Variants in RPA1 observed in about 807,000 individuals in gnomAD.
RPA1 encodes replication protein A1, also known as replication protein A 70 kDa DNA-binding subunit.
Under a neutral mutation model 83.0 loss-of-function variants are expected in RPA1, and 49 were observed. The observed-to-expected ratio is 0.59, with a 90% CI of 0.47 to 0.75. The LOEUF (loss-of-function observed/expected upper bound fraction) is 0.75, where lower values mean the gene tolerates loss of function less well. Ranked by LOEUF, RPA1 falls within the 30% of genes least tolerant of loss-of-function variation. RPA1 has a pLI of 0.00. For synonymous variants in RPA1, 279 were observed against 281.8 expected, an observed-to-expected ratio of 0.99 and a Z score of 0.10; for missense variants, 693 against 776.1, an observed-to-expected ratio of 0.89 and a Z score of 1.27.
In RPA1 at chr17:1,846,311, C is replaced by CTTTT. The variant is rs71150823; in HGVS notation, c.272+1645_272+1648dup. Reference sequence around the variant, plus strand: ...ATTTCTTCCCTTGTAGGAAGCTTTGCTTTTTTTTTTTTTTTTTTTTTTTCT... The same window carrying CTTTT: ...ATTTCTTCCCTTGTAGGAAGCTTTGCTTTTTTTTTTTTTTTTTTTTTTTTTTTCT... On this transcript the variant is annotated intron_variant, in intron 4 of 16. Transcript: ENST00000254719. Among the ~76,000 whole-genome samples the CTTTT allele has an allele frequency of 5.2e-3, 390 of 75,722 alleles. 2 individuals are homozygous for CTTTT. The highest frequency in any genetic ancestry group is 6.5e-3 in the Non-Finnish European group (275 of 42,582). 49.7% of individuals were successfully genotyped at this position (75,722 alleles called of 152,430 possible). A position where few individuals can be genotyped will look rare whatever the true frequency, so the allele number is the denominator to read the frequency against.
At chr17:1,863,870 G>A (rs1913078175) in intron 5 of RPA1, among the ~76,000 whole-genome samples, 1 of 151,934 alleles carries the variant, frequency 6.6e-6, no homozygotes, top group Admixed American at 6.6e-5. Flanking sequence ...AAGAGATGAT[G>A]GTCAATCATG....
At chr17:1,875,884 G>T in intron 7 of RPA1, 91 bp downstream of exon 7, 3 of 1,331,176 alleles carry the variant, frequency 2.3e-6, no homozygotes, top group African/African-American at 1.5e-5. Flanking sequence ...TGAACTTCAG[G>T]GTCACCACCA....
At chr17:1,831,677 C>T (rs1207000151) in intron 1 of RPA1, among the ~76,000 whole-genome samples, 1 of 150,660 alleles carries the variant, frequency 6.6e-6, no homozygotes, top group Non-Finnish European at 1.5e-5. Context: ...CGGCTCACTG[C>T]AAGCTCTGCC....
rs1389802569 is a variant in RPA1 at position 1,879,684 on chromosome 17, A to G, written c.1077A>G (p.Thr359=). 1 of 1,614,106 alleles carries G rather than the reference A, an allele frequency of 6.2e-7. No individual in the cohort carries two copies. The highest frequency in any genetic ancestry group is 1.7e-5 in the Admixed American group (1 of 60,010). ...CATCCGGGAAGGTGGTGACTGCTAC[A>G]CTGTGGGGGGAAGATGTAAGTGCTG... ...MDTSGKVVTA[T]LWGEDADKFD... is the part of the protein sequence containing the mutation. The change falls in exon 11 of 17, where the codon ACA becomes ACG. Residue 359 remains threonine, a synonymous_variant. Coordinates refer to ENST00000254719, the MANE Select transcript of RPA1 (RefSeq NM_002945.5).
At chr17:1,848,699 G>A (rs1013282368) in intron 4 of RPA1, among the ~76,000 whole-genome samples, 26 of 150,102 alleles carry the variant, frequency 1.7e-4, no homozygotes, top group African/African-American at 5.4e-4. Context: ...GGGTAGCTGG[G>A]ATTACAGATG....
rs139126914 is a variant in RPA1 at position 1,843,598 on chromosome 17, CATTATT to C, written c.85-288_85-283del. On this transcript the variant is annotated intron_variant, in intron 2 of 16. Transcript: ENST00000254719. ...AGCACCTTGTGTATATTGGGTGCTT[CATTATT>C]ATTATTATTATTATTATTATTATTA... Among the ~76,000 whole-genome samples the C allele has an allele frequency of 5.4e-3, 757 of 141,106 alleles. 4 individuals are homozygous for C. Among genetic ancestry groups the C allele is most frequent in the East Asian group, 0.022 (109 of 4,916 alleles). 92.6% of individuals were successfully genotyped at this position (141,106 alleles called of 152,430 possible).
rs1244765647 is a variant in RPA1, at chr17:1,858,904, A to T, written c.361+5715A>T. Among the ~76,000 whole-genome samples, 17 of 79,118 alleles carry T rather than the reference A, an allele frequency of 2.1e-4. No individual in the cohort carries two copies. In the South Asian group the frequency reaches 2.6e-3, roughly 12 times the overall value. 51.9% of individuals were successfully genotyped at this position (79,118 alleles called of 152,430 possible). A position where few individuals can be genotyped will look rare whatever the true frequency, so the allele number is the denominator to read the frequency against. ...TATTTTATTTATTTATTTTTATTTTATTTTTTTTTTTTTTTTGAGACAGAG... is the reference window on the plus strand; with the variant it reads ...TATTTTATTTATTTATTTTTATTTTTTTTTTTTTTTTTTTTTGAGACAGAG... On this transcript the variant is annotated intron_variant, in intron 5 of 16. Transcript: ENST00000254719.
chr17:1,858,426 T>A (rs1202240631), intron 5 of RPA1: 3 of 1,538,428 alleles, frequency 2.0e-6, no homozygotes, highest in South Asian at 1.1e-5. Context: ...GACCAACGTG[T>A]CTCAGCAACA....
At chr17:1,852,263 T>A (rs1194429818) in intron 4 of RPA1, among the ~76,000 whole-genome samples, 1 of 152,166 alleles carries the variant, frequency 6.6e-6, no homozygotes, top group African/African-American at 2.4e-5. Flanking sequence ...AATAAAATAA[T>A]CACTAATGAA....
chr17:1,896,762 A>G (rs1389110407), intron 16 of RPA1, among the ~76,000 whole-genome samples: 1 of 152,198 alleles, frequency 6.6e-6, no homozygotes, highest in African/African-American at 2.4e-5. Flanking sequence ...TCTGGGCTGT[A>G]TCCCCTGCAG....
At chr17:1,886,019 C>T (rs1913977599) in intron 13 of RPA1, among the ~76,000 whole-genome samples, 1 of 151,972 alleles carries the variant, frequency 6.6e-6, no homozygotes, top group Non-Finnish European at 1.5e-5. Context: ...CTGTGTGTCT[C>T]CATTGAGCCC....
At chr17:1,894,174 AT>A (rs144400153) in intron 15 of RPA1, among the ~76,000 whole-genome samples, 26,881 of 144,074 alleles carry the variant, frequency 0.19, 2,590 homozygotes, top group East Asian at 0.29. Context: ...TGACCTCCTA[AT>A]TTTTTTTTTT....
At chr17:1,839,763 T>C (rs900277602) in intron 1 of RPA1, among the ~76,000 whole-genome samples, 1 of 149,194 alleles carries the variant, frequency 6.7e-6, no homozygotes, top group Non-Finnish European at 1.5e-5. Flanking sequence ...ACCCTCTGAG[T>C]AGCTGGGACG....
chr17:1,842,951 G>A (rs1295506322), intron 2 of RPA1, 98 bp downstream of exon 2: 25 of 1,276,594 alleles, frequency 2.0e-5, no homozygotes, highest in Admixed American at 9.4e-5. Flanking sequence ...GTCCACTTTC[G>A]GAAATTCACC....
Position 1,849,946 on chromosome 17 carries a change from T to C in RPA1, c.273-3155T>C, listed in dbSNP as rs553618686. Among the ~76,000 whole-genome samples, 12 of 151,990 alleles carry C rather than the reference T, an allele frequency of 7.9e-5. No individual in the cohort carries two copies. The South Asian group carries it at 2.5e-3, about 32-fold the overall frequency. On this transcript the variant is annotated intron_variant, in intron 4 of 16. Coordinates refer to ENST00000254719, the MANE Select transcript of RPA1 (RefSeq NM_002945.5). ...CAACACTTTAGGAGGCCGAGGTGGG[T>C]GGATCACTTGAGGTCAGGAGTTCGA...
intron 5 of RPA1, among the ~76,000 whole-genome samples, chr17:1,869,415 G>A (rs1362827264): frequency 6.6e-6 from 1 of 152,132 alleles, no homozygotes; most frequent in African/African-American, 2.4e-5. Context: ...GCCAGCGCCT[G>A]TAATCCTAGC....
intron 4 of RPA1, among the ~76,000 whole-genome samples, chr17:1,851,876 G>T (rs1912508994): frequency 6.6e-6 from 1 of 152,184 alleles, no homozygotes; most frequent in African/African-American, 2.4e-5. Context: ...TTGATTGTAT[G>T]TAAAAATCCA....
At chr17:1,890,167 C>T (rs902329982) in intron 14 of RPA1, among the ~76,000 whole-genome samples, 2 of 151,376 alleles carry the variant, frequency 1.3e-5, no homozygotes, top group Admixed American at 1.3e-4. Context: ...GCTGGGAGTT[C>T]GATATCAGCC....
intron 14 of RPA1, among the ~76,000 whole-genome samples, chr17:1,889,472 A>G (rs1597459614): frequency 6.6e-6 from 1 of 151,926 alleles, no homozygotes; most frequent in African/African-American, 2.4e-5. Flanking sequence ...AGTAGCTGCA[A>G]CTACAGCTGT....
Sources: gnomAD v4.1 joint callset for allele counts (sites outside exome capture counted in the v4.1 genomes callset) on GRCh38, gnomAD v4.1.1 for gene constraint, MANE v1.5 for transcripts, NCBI Gene and HGNC (gene_info 2026-07-23, HGNC 2026-07-21) for gene names.